The following DMD variants were observed in gnomAD, a reference collection of about 807,000 sequenced individuals.
DMD encodes the protein dystrophin, also known as mutant dystrophin.
In DMD, 63 loss-of-function variants were observed where a neutral mutation model predicts 330.1. The ratio of observed to expected loss-of-function variants is 0.19; its 90% CI spans 0.16 to 0.24. DMD has a LOEUF of 0.24. Ranked by LOEUF, DMD falls within the 10% of genes least tolerant of loss-of-function variation. The pLI, the probability that DMD is intolerant of heterozygous loss-of-function variation, is 1.00. For missense variants in DMD, 3,344 were observed against 2,684.1 expected, an observed-to-expected ratio of 1.25 and a Z score of -5.43; for synonymous variants, 1,223 against 959.8, an observed-to-expected ratio of 1.27 and a Z score of -5.07.
intron 1 of DMD, among the ~76,000 whole-genome samples, chrX:33,338,497 G>A (rs867036705): frequency 1.4e-4 from 12 of 87,731 alleles, no homozygotes; most frequent in East Asian, 7.8e-4. Context: ...ATAAATAAAT[G>A]CTCACATTTT....
intron 11 of DMD, among the ~76,000 whole-genome samples, chrX:32,636,794 C>T (rs1046926109): frequency 9.1e-6 from 1 of 109,855 alleles, no homozygotes; most frequent in South Asian, 4.0e-4. Flanking sequence ...GTCAGGAGGT[C>T]GAGACCATCC....
intron 47 of DMD, among the ~76,000 whole-genome samples, chrX:31,897,233 G>C (rs144930664): frequency 1.6e-4 from 18 of 111,718 alleles, no homozygotes; most frequent in African/African-American, 4.9e-4. Flanking sequence ...TCACCCATGT[G>C]CCTACAAAGG....
At chrX:32,523,580 T>C (rs1270969884) in intron 17 of DMD, among the ~76,000 whole-genome samples, 1 of 112,236 alleles carries the variant, frequency 8.9e-6, no homozygotes, top group Non-Finnish European at 1.9e-5. Context: ...TATCAGATCA[T>C]TCCCTTTTTG....
At chrX:32,017,132 C>T (rs947251230) in intron 44 of DMD, among the ~76,000 whole-genome samples, 8 of 112,038 alleles carry the variant, frequency 7.1e-5, no homozygotes, top group African/African-American at 2.6e-4. Flanking sequence ...AGAATTTCTT[C>T]TCAGATATGT....
chrX:32,654,985 G>A (rs1000458917), intron 9 of DMD, among the ~76,000 whole-genome samples: 30 of 111,309 alleles, frequency 2.7e-4, no homozygotes, highest in Non-Finnish European at 4.7e-4. Flanking sequence ...CTGTGGGATC[G>A]GTGGTGATAT....
chrX:32,355,630 G>GT (rs1181436582), intron 37 of DMD, among the ~76,000 whole-genome samples: 1 of 111,457 alleles, frequency 9.0e-6, no homozygotes, highest in African/African-American at 3.3e-5. Context: ...ACTTAACCTT[G>GT]TTATAGGGAT....
chrX:31,425,296 A>T (rs1569540925), intron 60 of DMD, among the ~76,000 whole-genome samples: 1 of 112,256 alleles, frequency 8.9e-6, no homozygotes, highest in African/African-American at 3.2e-5. Context: ...TCTTCATGAG[A>T]CTGTTATTCT....
chrX:32,204,408 A>G (rs1371087721), intron 44 of DMD, among the ~76,000 whole-genome samples: 1 of 112,661 alleles, frequency 8.9e-6, no homozygotes, highest in African/African-American at 3.2e-5. Flanking sequence ...TTTATAAATT[A>G]CTGCAATGAA....
chrX:32,629,638 A>C (rs910110112), intron 11 of DMD, among the ~76,000 whole-genome samples: 2 of 109,928 alleles, frequency 1.8e-5, no homozygotes, highest in Non-Finnish European at 3.8e-5. Flanking sequence ...AATGAAAGTA[A>C]TTTTCTCTGG....
chrX:31,417,492 T>C (rs183283329), intron 60 of DMD, among the ~76,000 whole-genome samples: 26 of 109,776 alleles, frequency 2.4e-4, no homozygotes, highest in Admixed American at 3.9e-4. Flanking sequence ...AGTTTCACCA[T>C]GTTGGCCAGG....
chrX:33,218,422 T>C (rs142925406), intron 1 of DMD, among the ~76,000 whole-genome samples: 3,879 of 111,568 alleles, frequency 0.035, 171 homozygotes, highest in African/African-American at 0.12. Context: ...ACTTGAAAAA[T>C]GTCATACTTC....
chrX:32,217,065 T>C lies in DMD; in HGVS notation c.6291-2A>G. 8.3e-7 allele frequency: 1 copy of C among 1,208,234 alleles called. No homozygotes were observed. The highest frequency in any genetic ancestry group is 1.1e-6 in the Non-Finnish European group (1 of 892,806). On this transcript the variant is annotated splice_acceptor_variant, in intron 43 of 78. Coordinates refer to ENST00000357033, the MANE Select transcript of DMD (RefSeq NM_004006.3). LOFTEE classifies it high-confidence loss of function. ...TTCTCAACAGATCTGTCAAATCGCCTGCAGGTAAAAGCATATGGATCAAGA... is the reference window on the plus strand; with the variant it reads ...TTCTCAACAGATCTGTCAAATCGCCCGCAGGTAAAAGCATATGGATCAAGA...
intron 44 of DMD, among the ~76,000 whole-genome samples, chrX:31,978,848 T>A (rs2095456238): frequency 8.9e-6 from 1 of 111,739 alleles, no homozygotes; most frequent in African/African-American, 3.3e-5. Context: ...CCTAGTAACG[T>A]GTTGCTACCT....
intron 1 of DMD, among the ~76,000 whole-genome samples, chrX:33,249,417 C>T (rs1241162924): frequency 5.4e-5 from 6 of 112,125 alleles, no homozygotes; most frequent in African/African-American, 1.9e-4. Flanking sequence ...TCCCAAAGTG[C>T]TGGTATTACA....
At chrX:31,428,297 G>T (rs987092927) in intron 60 of DMD, among the ~76,000 whole-genome samples, 1 of 110,643 alleles carries the variant, frequency 9.0e-6, no homozygotes, top group African/African-American at 3.3e-5. Context: ...GTTTAAAAGA[G>T]TGTGGCACCT....
chrX:32,559,890 T>C (rs973716299), intron 16 of DMD, among the ~76,000 whole-genome samples: 3 of 111,453 alleles, frequency 2.7e-5, no homozygotes. Flanking sequence ...CATAATTATA[T>C]AATAATCATT....
intron 7 of DMD, among the ~76,000 whole-genome samples, chrX:32,762,127 G>A (rs2072385577): frequency 9.4e-6 from 1 of 105,906 alleles, no homozygotes. Flanking sequence ...CTCCAGTCTA[G>A]GTGACAGAGC....
At chrX:31,468,198 C>T (rs1310045764) in intron 59 of DMD, among the ~76,000 whole-genome samples, 4 of 111,860 alleles carry the variant, frequency 3.6e-5, no homozygotes, top group Non-Finnish European at 7.5e-5. Flanking sequence ...TATTTCTTCT[C>T]TTCTGCTAGC....
At chrX:31,951,140 T>TATATATATATAC (rs200521604) in intron 45 of DMD, among the ~76,000 whole-genome samples, 1 of 71,653 alleles carries the variant, frequency 1.4e-5, no homozygotes, top group African/African-American at 6.2e-5. Flanking sequence ...TATATATATA[T>TATATATATATAC]GTGTATATAT....
Sources: allele counts gnomAD v4.1 joint callset (sites outside exome capture counted in the v4.1 genomes callset), GRCh38; gene constraint gnomAD v4.1.1; transcripts MANE v1.5; gene names NCBI Gene and HGNC (gene_info 2026-07-23, HGNC 2026-07-21).